The following ITPK1 variants were observed in gnomAD, a reference collection of about 807,000 sequenced individuals.
ITPK1 encodes inositol-tetrakisphosphate 1-kinase, also known as inositol 1,3,4-trisphosphate 5/6-kinase.
Under a neutral mutation model 45.3 loss-of-function variants are expected in ITPK1, and 21 were observed. That is an observed-to-expected ratio of 0.46 (90% CI 0.33 to 0.67). The LOEUF (loss-of-function observed/expected upper bound fraction) is 0.67. Ranked by LOEUF, ITPK1 falls within the 30% of genes least tolerant of loss-of-function variation. The pLI, the probability that ITPK1 is intolerant of heterozygous loss-of-function variation, is 0.02. For synonymous variants in ITPK1, 258 were observed against 253.6 expected, an observed-to-expected ratio of 1.02 and a Z score of -0.16; for missense variants, 474 against 573.5, an observed-to-expected ratio of 0.83 and a Z score of 1.77.
At chr14:93,113,485 G>C (rs997050774) in intron 2 of ITPK1, among the ~76,000 whole-genome samples, 10 of 152,216 alleles carry the variant, frequency 6.6e-5, no homozygotes, top group African/African-American at 2.4e-4. Flanking sequence ...TATTCGCTGG[G>C]ATTTCCCAAG....
At chr14:93,058,104 G>A (rs546515618) in intron 3 of ITPK1, among the ~76,000 whole-genome samples, 30 of 152,180 alleles carry the variant, frequency 2.0e-4, no homozygotes, top group African/African-American at 5.5e-4. Flanking sequence ...GGGCCTGGGT[G>A]AGCACCCAGC....
intron 3 of ITPK1, among the ~76,000 whole-genome samples, chr14:93,060,891 T>A (rs1210375128): frequency 6.6e-6 from 1 of 152,110 alleles, no homozygotes; most frequent in Non-Finnish European, 1.5e-5. Context: ...ACAGAGCTAT[T>A]ATGAGAACTA....
intron 2 of ITPK1, among the ~76,000 whole-genome samples, chr14:93,083,400 G>C (rs569777640): frequency 2.6e-5 from 4 of 152,260 alleles, no homozygotes; most frequent in African/African-American, 9.6e-5. Flanking sequence ...CCTCCCCAGG[G>C]CAGGGTGGGG....
Position 92,945,582 on chromosome 14 carries a change from C to T in ITPK1, c.901+749G>A, listed in dbSNP as rs1490537491. On this transcript the variant is annotated intron_variant, in intron 10 of 10. Coordinates refer to ENST00000267615, the MANE Select transcript of ITPK1 (RefSeq NM_014216.6). ...GCAGGCACCAAGGCATCAAGCGCGGCTCTGTCTCTGAGCTGCTGCGGGAGG... is the reference window on the plus strand; with the variant it reads ...GCAGGCACCAAGGCATCAAGCGCGGTTCTGTCTCTGAGCTGCTGCGGGAGG... Among the ~76,000 whole-genome samples, 3 of 152,366 alleles carry T rather than the reference C, an allele frequency of 2.0e-5. No homozygotes were observed. The East Asian group carries it at 5.8e-4, about 29-fold the overall frequency.
intron 10 of ITPK1, 100 bp from the exon 11 acceptor site, chr14:92,942,004 G>A: frequency 2.0e-6 from 2 of 1,010,992 alleles, no homozygotes; most frequent in South Asian, 1.4e-5. Context: ...CCTGGGATGA[G>A]GCAGGGTGTG....
chr14:93,115,090 T>C lies in ITPK1; in HGVS notation c.74A>G (p.Gln25Arg), dbSNP rs996250031. Residue 25 changes from glutamine to arginine, a missense_variant, in exon 2 of 11, where the codon CAG becomes CGG. Physicochemically the swap from Gln to Arg is conservative, Grantham distance 43. Around this residue, in one of 2 missense-constraint regions of ITPK1, gnomAD observed 367 missense variants for 480.6 expected, o/e 0.76. Transcript: ENST00000267615. ...TTACCTGCACAGCTCGGCGAAGGCC[T>C]GGAAATTCAGCTTCTTGATTTTCTT... Reference protein sequence around the residue: ...SEKKIKKLNFQAFAELCRKRG... With the variant: ...SEKKIKKLNFRAFAELCRKRG... 3 of 1,600,382 alleles carry C rather than the reference T, an allele frequency of 1.9e-6. No individual in the cohort carries two copies. Among genetic ancestry groups the C allele is most frequent in the African/African-American group, 1.4e-5 (1 of 73,148 alleles).
intron 4 of ITPK1, among the ~76,000 whole-genome samples, chr14:93,000,974 T>TAAAAAA (rs201265189): frequency 1.2e-5 from 1 of 81,912 alleles, no homozygotes; most frequent in Non-Finnish European, 2.5e-5. Context: ...AGACTCCAAC[T>TAAAAAA]AAAAAAAAAA....
chr14:93,044,585 A>G (rs1247891058), intron 3 of ITPK1, among the ~76,000 whole-genome samples: 2 of 152,210 alleles, frequency 1.3e-5, no homozygotes, highest in African/African-American at 4.8e-5. Flanking sequence ...TAAAGGACTG[A>G]CAGCCAGCCA....
intron 4 of ITPK1, among the ~76,000 whole-genome samples, chr14:93,013,102 T>C (rs954657534): frequency 6.6e-6 from 1 of 152,122 alleles, no homozygotes; most frequent in Non-Finnish European, 1.5e-5. Context: ...CCGGCCCCAC[T>C]TGCCCACGTG....
At chr14:92,952,199 G>A (rs1200062462) in intron 8 of ITPK1, among the ~76,000 whole-genome samples, 186 bp from the exon 9 acceptor site, 1 of 152,188 alleles carries the variant, frequency 6.6e-6, no homozygotes, top group Non-Finnish European at 1.5e-5. Flanking sequence ...TCAGGGCTCC[G>A]GTTCACCTTC....
chr14:92,947,343 G>A lies in ITPK1; in HGVS notation c.739-850C>T, dbSNP rs7145004. ...CCTGCTCTGTTCTCCCTCCCAGCCCGGCACTCCCCTCTGCCACTCAAGTCC... is the reference window on the plus strand; with the variant it reads ...CCTGCTCTGTTCTCCCTCCCAGCCCAGCACTCCCCTCTGCCACTCAAGTCC... On this transcript the variant is annotated intron_variant, in intron 9 of 10. Transcript: ENST00000267615. Among the ~76,000 whole-genome samples, 1,340 of 152,314 alleles carry A rather than the reference G, an allele frequency of 8.8e-3. 25 individuals carry two copies. The highest frequency in any genetic ancestry group is 0.03 in the African/African-American group (1,267 of 41,572).
chr14:93,067,720 G>A (rs1489535046), intron 3 of ITPK1: 1 of 152,214 alleles, frequency 6.6e-6, no homozygotes, highest in African/African-American at 2.4e-5. Context: ...GAACTGCTAT[G>A]AGCAGACCTC....
intron 2 of ITPK1, among the ~76,000 whole-genome samples, chr14:93,103,354 G>C (rs1467317208): frequency 6.6e-6 from 1 of 151,552 alleles, no homozygotes; most frequent in Non-Finnish European, 1.5e-5. Context: ...GGGAGGCAGA[G>C]GTTGCAGTGA....
intron 5 of ITPK1, among the ~76,000 whole-genome samples, chr14:92,984,004 G>A (rs537349505): frequency 1.3e-5 from 2 of 152,314 alleles, no homozygotes; most frequent in South Asian, 2.1e-4. Flanking sequence ...ACAAAGAGCT[G>A]TATCAGGACA....
intron 3 of ITPK1, among the ~76,000 whole-genome samples, chr14:93,048,675 G>A (rs908885405): frequency 2.0e-4 from 31 of 152,180 alleles, no homozygotes; most frequent in Admixed American, 1.9e-3. Flanking sequence ...CCAGCTGGGC[G>A]CGGTGGCTCA....
At chr14:93,018,797 C>T (rs956553914) in intron 3 of ITPK1, among the ~76,000 whole-genome samples, 12 of 152,298 alleles carry the variant, frequency 7.9e-5, no homozygotes, top group African/African-American at 2.9e-4. Context: ...GACCAGGACA[C>T]CAACGGCCCA....
chr14:93,081,438 A>G (rs947096862), intron 2 of ITPK1, among the ~76,000 whole-genome samples: 1 of 152,156 alleles, frequency 6.6e-6, no homozygotes, highest in East Asian at 1.9e-4. Flanking sequence ...ATTAATATGA[A>G]TATTAATAAA....
At chr14:93,013,155 C>A (rs550937582) in intron 4 of ITPK1, among the ~76,000 whole-genome samples, 2 of 152,362 alleles carry the variant, frequency 1.3e-5, no homozygotes, top group East Asian at 3.9e-4. Context: ...ACACTGAGAA[C>A]CAAACCTCAG....
chr14:93,064,777 TACCATTTG>T (rs1323090013), intron 3 of ITPK1, among the ~76,000 whole-genome samples: 12 of 152,214 alleles, frequency 7.9e-5, no homozygotes, highest in African/African-American at 2.9e-4. Context: ...TGTCTCTGCC[TACCATTTG>T]TGCAGAACAT....
Sources: gnomAD v4.1 joint callset for allele counts (sites outside exome capture counted in the v4.1 genomes callset) on GRCh38, gnomAD v4.1.1 for gene constraint, gnomAD v4.1.1 regional missense constraint, MANE v1.5 for transcripts, NCBI Gene and HGNC (gene_info 2026-07-23, HGNC 2026-07-21) for gene names.